The following E2F4 variants were observed in gnomAD, a reference collection of about 807,000 sequenced individuals.
The protein encoded by E2F4 is E2F transcription factor 4.
E2F4 carries 16 observed loss-of-function variants against 44.5 expected under a neutral mutation model. The ratio of observed to expected loss-of-function variants is 0.36; its 90% CI spans 0.24 to 0.55. The LOEUF is 0.55. Ranked by LOEUF, E2F4 falls within the 20% of genes least tolerant of loss-of-function variation. The pLI is 0.87. For synonymous variants in E2F4, 242 were observed against 207.2 expected (o/e 1.17, Z -1.44); for missense variants, 473 against 522.1 (o/e 0.91, Z 0.92).
chr16:67,193,016 G>T lies in E2F4; in HGVS notation c.253G>T (p.Gly85Trp). 1 of 1,570,518 alleles carries T rather than the reference G, an allele frequency of 6.4e-7. No individual in the cohort carries two copies. The change falls in exon 3 of 10, where the codon GGG (glycine) becomes TGG (tryptophan). Residue 85 changes from glycine to tryptophan, a missense_variant. Coordinates refer to ENST00000379378, the MANE Select transcript of E2F4 (RefSeq NM_001950.4). The part of the protein sequence containing the change: ...SKNSIQWKGV[G>W]PGCNTREIAD... ...CCCACTCCCTGGGCTCAGGGGTGTG[G>T]GGCCTGGCTGCAATACCCGGGAGAT...
In E2F4 at chr16:67,194,779, C is replaced by T; in HGVS notation, c.607C>T (p.Pro203Ser). The change falls in exon 6 of 10, where the codon CCC becomes TCC. Residue 203 changes from proline to serine, a missense_variant. By Grantham distance (74) the Pro-to-Ser change is moderately conservative. Coordinates refer to ENST00000379378, the MANE Select transcript of E2F4 (RefSeq NM_001950.4). Reference protein sequence around the residue: ...LLVNKEAWSSPPVAVPVPPPE... With the variant: ...LLVNKEAWSSSPVAVPVPPPE... ...GGTGAACAAGGAGGCATGGAGCTCACCCCCTGTGGCTGTGCCTGTGCCACC... is the reference window on the plus strand; with the variant it reads ...GGTGAACAAGGAGGCATGGAGCTCATCCCCTGTGGCTGTGCCTGTGCCACC... The T allele has an allele frequency of 1.2e-6, 2 of 1,614,210 alleles. No individual in the cohort carries two copies. The highest frequency in any genetic ancestry group is 2.2e-5 in the East Asian group (1 of 44,882).
chr16:67,194,520 A>T (rs569786532), intron 5 of E2F4, 61 bp downstream of exon 5: 91 of 1,607,090 alleles, frequency 5.7e-5, no homozygotes, highest in Middle Eastern at 5.5e-4. Flanking sequence ...GTGGAGCCTG[A>T]TAAGTCCTGG....
chr16:67,194,888 C>G lies in E2F4; in HGVS notation c.716C>G (p.Ala239Gly), dbSNP rs772133152. The change falls in exon 6 of 10, where the codon GCC becomes GGC. Residue 239 changes from alanine (A) to glycine (G), a missense_variant. Coordinates refer to ENST00000379378, the MANE Select transcript of E2F4 (RefSeq NM_001950.4). ...PKPALAQSQEASRPNSPQLTP... is the reference protein window; with the variant it reads ...PKPALAQSQEGSRPNSPQLTP... ...CCTGCCCTAGCCCAGTCCCAGGAAG[C>G]CTCACGTCCAAATAGTCCTCAGCTC... The G allele has an allele frequency of 5.0e-6, 8 of 1,614,200 alleles. 1 individual carries two copies. Among genetic ancestry groups the G allele is most frequent in the South Asian group, 2.2e-5 (2 of 91,086 alleles).
intron 3 of E2F4, 142 bp downstream of exon 3, chr16:67,193,312 C>T: frequency 6.7e-7 from 1 of 1,485,068 alleles, no homozygotes; most frequent in Non-Finnish European, 9.3e-7. Context: ...AGAGCCCCTC[C>T]CCTTCCACTC....
chr16:67,195,215 A>G (rs966778889), intron 6 of E2F4, among the ~76,000 whole-genome samples: 13 of 152,286 alleles, frequency 8.5e-5, no homozygotes, highest in African/African-American at 1.2e-4. Flanking sequence ...GCTCACTGCA[A>G]CCTCTGCCTC....
chr16:67,198,827 CTATA>C lies in E2F4; in HGVS notation c.*707_*710del. 2 of 334,006 alleles carry C rather than the reference CTATA, an allele frequency of 6.0e-6. No homozygotes were observed. The highest frequency in any genetic ancestry group is 5.6e-5 in the East Asian group (1 of 17,788). The allele number at this position is 334,006 out of a possible 1,614,324, so 20.7% of individuals were successfully genotyped here. On this transcript the variant is annotated 3_prime_UTR_variant, in exon 10 of 10. Coordinates refer to ENST00000379378, the MANE Select transcript of E2F4 (RefSeq NM_001950.4). ...AAGATTTACAGTAACGAATGGATTC[CTATA>C]TAAAGATTATTTTTATACTTTTTGC...
rs186377111 is a variant in E2F4, at chr16:67,198,886, T to C, written c.*763T>C. Reference sequence around the variant, plus strand: ...AAAGGAAATTGTAATATTTGTACAGTGTTCAAGTGAATAAAAACCATGCCT... The same window carrying C: ...AAAGGAAATTGTAATATTTGTACAGCGTTCAAGTGAATAAAAACCATGCCT... On this transcript the variant is annotated 3_prime_UTR_variant, in exon 10 of 10. Transcript: ENST00000379378. The C allele has an allele frequency of 6.7e-4, 353 of 524,742 alleles. 1 individual carries two copies. Among genetic ancestry groups the C allele is most frequent in the African/African-American group, 6.2e-3 (326 of 52,422 alleles). The allele number at this position is 524,742 out of a possible 1,614,324, so 32.5% of individuals were successfully genotyped here.
rs1180159540 is a variant in E2F4, at chr16:67,198,117, C to T, written c.1236C>T (p.Asn412=). The change falls in exon 10 of 10, where the codon AAC becomes AAT. Residue 412 remains asparagine (N), a synonymous_variant. Transcript: ENST00000379378. ...VCDLFDVPVL[N]L ...ACCTCTTTGATGTGCCTGTTCTCAA[C>T]CTCTGACTGACAGGGACATGCCCTG... is the stretch of plus-strand genomic sequence containing the variant. 1.6e-5 allele frequency: 26 copies of T among 1,613,276 alleles called. No individual in the cohort carries two copies. Among genetic ancestry groups the T allele is most frequent in the Non-Finnish European group, 2.1e-5 (25 of 1,179,538 alleles).
chr16:67,195,132 CT>C, intron 6 of E2F4, 152 bp downstream of exon 6: 1 of 1,076,138 alleles, frequency 9.3e-7, no homozygotes, highest in Non-Finnish European at 1.3e-6. Flanking sequence ...ATGAATGAGC[CT>C]TTTTTGTTTT....
At chr16:67,193,439 T>C (rs766371360) in intron 3 of E2F4, 33 bp from the exon 4 acceptor site, 16 of 1,611,554 alleles carry the variant, frequency 9.9e-6, no homozygotes, top group Admixed American at 3.3e-5. Context: ...TCTGTCACCA[T>C]AGGGCATCAG....
rs773790833 is a variant in E2F4, at chr16:67,194,673, C to T, written c.514-13C>T. On this transcript the variant is annotated splice_polypyrimidine_tract_variant and intron_variant, in intron 5 of 9. Coordinates refer to ENST00000379378, the MANE Select transcript of E2F4 (RefSeq NM_001950.4). ...ATTCTACCCATCTCCCATCCCTTAC[C>T]ACCCATCTCTAGGGTCTCAATGGGC... The T allele has an allele frequency of 8.7e-6, 14 of 1,606,272 alleles. No individual in the cohort carries two copies. The highest frequency in any genetic ancestry group is 1.7e-4 in the Middle Eastern group (1 of 6,036).
Position 67,195,840 on chromosome 16 carries a change from G to A in E2F4, c.867G>A (p.Leu289=). Residue 289 remains leucine (L), a synonymous_variant, in exon 7 of 10, where the codon CTG becomes CTA. Coordinates refer to ENST00000379378, the MANE Select transcript of E2F4 (RefSeq NM_001950.4). The part of the protein sequence containing the change: ...KDSGELSSLP[L]GPTTLDTRPL... ...GTGGTGAGCTCAGTTCACTCCCACT[G>A]GGCCCAACAACACTGGACACCCGGC... The A allele has an allele frequency of 6.2e-7, 1 of 1,614,092 alleles. No homozygotes were observed.
intron 6 of E2F4, 123 bp from the exon 7 acceptor site, chr16:67,195,659 G>A (rs2032955025): frequency 3.3e-6 from 5 of 1,522,328 alleles, no homozygotes; most frequent in Non-Finnish European, 4.4e-6. Context: ...GACTGGCAAT[G>A]CCTAATTCTC....
rs1240485871 is a variant in E2F4, at chr16:67,198,573, C to G, written c.*450C>G. ...AGCTTCCTTCGCTATCCCCCACCCC[C>G]TGACCCTCCAGCTCCTCCTGGCCCT... is the stretch of plus-strand genomic sequence containing the variant. On this transcript the variant is annotated 3_prime_UTR_variant, in exon 10 of 10. Coordinates refer to ENST00000379378, the MANE Select transcript of E2F4 (RefSeq NM_001950.4). The G allele has an allele frequency of 5.2e-6, 1 of 190,978 alleles. No homozygotes were observed. The highest frequency in any genetic ancestry group is 1.1e-5 in the Non-Finnish European group (1 of 91,218). 11.8% of individuals were successfully genotyped at this position (190,978 alleles called of 1,614,324 possible).
Position 67,198,152 on chromosome 16 carries a change from G to T in E2F4, c.*29G>T. 1.2e-6 allele frequency: 2 copies of T among 1,602,800 alleles called. No homozygotes were observed. Among genetic ancestry groups the T allele is most frequent in the South Asian group, 1.1e-5 (1 of 90,850 alleles). The stretch of plus-strand genomic sequence containing the variant: ...ACAGGGACATGCCCTGTGTGGCTGG[G>T]ACCCAGACTGTCTGACCTGGGGGTT... On this transcript the variant is annotated 3_prime_UTR_variant, in exon 10 of 10. Transcript: ENST00000379378.
intron 4 of E2F4, 189 bp from the exon 5 acceptor site, chr16:67,194,209 G>T (rs2142212169): frequency 1.7e-6 from 1 of 596,688 alleles, no homozygotes; most frequent in South Asian, 2.2e-5. Context: ...CAGATTTCCT[G>T]GTTACTGACC....
At chr16:67,197,154 CT>C (rs1360574750) in intron 7 of E2F4, among the ~76,000 whole-genome samples, 6 of 152,202 alleles carry the variant, frequency 3.9e-5, no homozygotes, top group African/African-American at 1.2e-4. Context: ...GCATTTTCTT[CT>C]GCTTCCCCTG....
Position 67,194,473 on chromosome 16 carries a change from C to G in E2F4, c.513+14C>G, listed in dbSNP as rs1408481605. ...CCCATCCCAGAGGTGGGTGCTTAGC[C>G]CAGGCAGGCGGGGTCAGCTGAGGGC... On this transcript the variant is annotated intron_variant, in intron 5 of 9. Coordinates refer to ENST00000379378, the MANE Select transcript of E2F4 (RefSeq NM_001950.4). The G allele has an allele frequency of 6.2e-7, 1 of 1,613,464 alleles. No individual in the cohort carries two copies. The highest frequency in any genetic ancestry group is 8.5e-7 in the Non-Finnish European group (1 of 1,180,000).
chr16:67,197,747 T>C, intron 8 of E2F4, 101 bp downstream of exon 8: 2 of 1,599,178 alleles, frequency 1.3e-6, no homozygotes, highest in East Asian at 4.5e-5. Context: ...TTGTGGCGCT[T>C]ATGGTAACTG....
Sources: gnomAD v4.1 joint callset for allele counts (sites outside exome capture counted in the v4.1 genomes callset) on GRCh38, gnomAD v4.1.1 for gene constraint, MANE v1.5 for transcripts, NCBI Gene and HGNC (gene_info 2026-07-23, HGNC 2026-07-21) for gene names.